KLRG1: variants seen among roughly 807,000 people sequenced by gnomAD.
KLRG1 encodes the protein killer cell lectin like receptor G1.
Under a neutral mutation model 21.8 loss-of-function variants are expected in KLRG1, and 16 were observed. That is an observed-to-expected ratio of 0.73 (90% CI 0.50 to 1.11). The LOEUF is 1.11. KLRG1 is among the 50% of genes most tolerant of loss of function. KLRG1 has a pLI of 0.00. For missense variants in KLRG1, 173 were observed against 218.3 expected (o/e 0.79, Z 1.31); for synonymous variants, 69 against 75.9 (o/e 0.91, Z 0.47).
chr12:9,110,196 T>C, the KLRG1 span: 1 of 1,116,434 alleles, frequency 9.0e-7, no homozygotes, highest in Admixed American at 2.6e-5. Flanking sequence ...TCTATGGGAG[T>C]TTGAAGGCTT....
chr12:9,157,209 T>A, the KLRG1 span: 7 of 1,613,978 alleles, frequency 4.3e-6, no homozygotes, highest in African/African-American at 9.3e-5. Flanking sequence ...GTGAGTTCAG[T>A]ATTTCTCTAT....
rs116713860 is a variant in KLRG1 at position 8,993,396 on chromosome 12, C to T, written c.187+1086C>T. 3.2e-3 allele frequency among the ~76,000 whole-genome samples: 483 copies of T among 152,180 alleles called. 2 individuals carry two copies. The highest frequency in any genetic ancestry group is 0.01 in the African/African-American group (433 of 41,508). On this transcript the variant is annotated intron_variant, in intron 2 of 4. Coordinates refer to ENST00000356986, the MANE Select transcript of KLRG1 (RefSeq NM_005810.4). Reference sequence around the variant, plus strand: ...CTCTGCCTCCCAGGTTCAAGCGATTCTCATGCCTCAGCCTCCCGAGTAGCT... The same window carrying T: ...CTCTGCCTCCCAGGTTCAAGCGATTTTCATGCCTCAGCCTCCCGAGTAGCT...
the KLRG1 span, chr12:9,101,711 T>G: frequency 4.1e-6 from 6 of 1,468,572 alleles, no homozygotes; most frequent in Admixed American, 1.1e-4. Context: ...TTTTAGATTA[T>G]ACGTCATAAA....
At chr12:8,989,230 C>T (rs1235662649), upstream of KLRG1, among the ~76,000 whole-genome samples, 1 of 152,170 alleles carries the variant, frequency 6.6e-6, no homozygotes, top group Non-Finnish European at 1.5e-5. Flanking sequence ...AAGTCAGTCT[C>T]ATTTGGCATA....
the KLRG1 span, among the ~76,000 whole-genome samples, chr12:9,136,236 A>G: frequency 6.6e-6 from 1 of 152,224 alleles, no homozygotes; most frequent in African/African-American, 2.4e-5. Flanking sequence ...AGCTCTACGT[A>G]CATTTGCTAG....
At chr12:9,165,178 G>C in the KLRG1 span, 1 of 1,614,130 alleles carries the variant, frequency 6.2e-7, no homozygotes, top group South Asian at 1.1e-5. Context: ...CCGTGGCCTT[G>C]AGTGTGAAGA....
At chr12:8,976,752 CT>C (rs913253923) in intron 1 of KLRG1, among the ~76,000 whole-genome samples, 6 of 148,750 alleles carry the variant, frequency 4.0e-5, no homozygotes, top group Admixed American at 1.3e-4. Flanking sequence ...TCAAAGTTTA[CT>C]TTTTTTTTTG....
intron 1 of KLRG1, among the ~76,000 whole-genome samples, chr12:8,960,143 G>A (rs1946358869): frequency 1.3e-5 from 2 of 152,178 alleles, no homozygotes; most frequent in South Asian, 4.1e-4. Flanking sequence ...GAATAAGTTA[G>A]GCGAGCCCCA....
the KLRG1 span, chr12:9,169,547 G>T: frequency 6.2e-7 from 1 of 1,612,854 alleles, no homozygotes; most frequent in Admixed American, 1.7e-5. Flanking sequence ...GGTCCACATT[G>T]TCAGGAAAAT....
At chr12:8,955,597 C>T (rs926215790) in intron 1 of KLRG1, among the ~76,000 whole-genome samples, 4 of 151,506 alleles carry the variant, frequency 2.6e-5, no homozygotes, top group Middle Eastern at 3.4e-3. Context: ...TCCTTATTTT[C>T]CCCGAGCTGG....
the KLRG1 span, among the ~76,000 whole-genome samples, chr12:9,071,649 T>C: frequency 6.6e-6 from 1 of 152,206 alleles, no homozygotes; most frequent in South Asian, 2.1e-4. Context: ...TGTGTCCATA[T>C]GTTCTCATCA....
At chr12:9,100,984 C>T in the KLRG1 span, among the ~76,000 whole-genome samples, 2 of 152,104 alleles carry the variant, frequency 1.3e-5, no homozygotes, top group African/African-American at 4.8e-5. Flanking sequence ...ACCAAAATCT[C>T]GGAAATCACT....
At chr12:9,128,873 G>A in the KLRG1 span, among the ~76,000 whole-genome samples, 1 of 152,146 alleles carries the variant, frequency 6.6e-6, no homozygotes, top group Non-Finnish European at 1.5e-5. Context: ...TTTCATACTC[G>A]CTGTTACATG....
the KLRG1 span, chr12:9,166,133 T>C: frequency 1.2e-6 from 2 of 1,613,950 alleles, no homozygotes; most frequent in African/African-American, 2.7e-5. Context: ...ACTTTGTTCA[T>C]TATTTAAGGG....
At chr12:9,073,358 A>C in the KLRG1 span, among the ~76,000 whole-genome samples, 2 of 152,242 alleles carry the variant, frequency 1.3e-5, no homozygotes, top group Non-Finnish European at 2.9e-5. Flanking sequence ...TTTCTCCAAA[A>C]GAAATAAAAG....
chr12:9,077,357 G>A, the KLRG1 span: 1 of 1,613,350 alleles, frequency 6.2e-7, no homozygotes, highest in East Asian at 2.2e-5. Context: ...GTGACTGTGA[G>A]AGGAATCTCC....
the KLRG1 span, among the ~76,000 whole-genome samples, chr12:9,154,134 A>G: frequency 6.6e-6 from 1 of 152,122 alleles, no homozygotes; most frequent in Non-Finnish European, 1.5e-5. Context: ...ATCTTAGAGG[A>G]TTTCTTGTTA....
intron 1 of KLRG1, among the ~76,000 whole-genome samples, chr12:8,950,838 A>C (rs1946187902): frequency 6.6e-6 from 1 of 152,146 alleles, no homozygotes; most frequent in African/African-American, 2.4e-5. Context: ...GAGTAAATTA[A>C]AGCAGATAGA....
At chr12:9,066,863 C>T in the KLRG1 span, 1 of 152,216 alleles carries the variant, frequency 6.6e-6, no homozygotes, top group Non-Finnish European at 1.5e-5. Flanking sequence ...AAGAGTAGGA[C>T]TCCTACGATT....
Sources: gnomAD v4.1 joint callset for allele counts (sites outside exome capture counted in the v4.1 genomes callset) on GRCh38, gnomAD v4.1.1 for gene constraint, MANE v1.5 for transcripts, NCBI Gene and HGNC (gene_info 2026-07-23, HGNC 2026-07-21) for gene names.